The following CRTAP variants were observed in gnomAD, a reference collection of about 807,000 sequenced individuals.
CRTAP encodes cartilage-associated protein.
Under a neutral mutation model 42.7 loss-of-function variants are expected in CRTAP, and 33 were observed. The observed-to-expected ratio is 0.77, with a 90% confidence interval of 0.59 to 1.03. The LOEUF (loss-of-function observed/expected upper bound fraction) is 1.03, where lower values mean the gene tolerates loss of function less well. CRTAP is among the 50% of genes least tolerant of loss of function. The probability of loss-of-function intolerance (pLI) is 0.00; values close to 1 mark genes in which losing one functional copy is unlikely to be tolerated. For synonymous variants in CRTAP, 243 were observed against 217.7 expected (o/e 1.12, Z -1.02); for missense variants, 613 against 533.9 (o/e 1.15, Z -1.46).
chr3:33,138,226 T>G (rs1253477425), intron 6 of CRTAP, among the ~76,000 whole-genome samples: 1 of 152,222 alleles, frequency 6.6e-6, no homozygotes, highest in East Asian at 1.9e-4. Flanking sequence ...TTTGGCTATT[T>G]TGGGTCCTGT....
At chr3:33,130,218 C>A (rs1244632568) in intron 4 of CRTAP, 151 bp downstream of exon 4, 1 of 793,600 alleles carries the variant, frequency 1.3e-6, no homozygotes, top group Non-Finnish European at 2.1e-6. Context: ...GGCAGCATGG[C>A]TTAGTGATTC....
chr3:33,118,168 C>T (rs1344440015), intron 1 of CRTAP, among the ~76,000 whole-genome samples: 1 of 152,002 alleles, frequency 6.6e-6, no homozygotes, highest in African/African-American at 2.4e-5. Flanking sequence ...ATCATCTTGG[C>T]CAGGCTGATC....
At chr3:33,116,384 A>T (rs144782097) in intron 1 of CRTAP, among the ~76,000 whole-genome samples, 2 of 152,134 alleles carry the variant, frequency 1.3e-5, no homozygotes, top group Admixed American at 6.6e-5. Flanking sequence ...TTTGAGACAC[A>T]GTTTCACTTT....
At chr3:33,142,247 A>G (rs1575521167) in intron 6 of CRTAP, 148 bp from the exon 7 acceptor site, 2 of 719,470 alleles carry the variant, frequency 2.8e-6, no homozygotes, top group East Asian at 5.4e-5. Flanking sequence ...GGGAGAAATC[A>G]GGTCCTCTGG....
intron 1 of CRTAP, 104 bp downstream of exon 1, chr3:33,114,652 T>A: frequency 2.8e-6 from 3 of 1,076,330 alleles, no homozygotes; most frequent in Non-Finnish European, 4.1e-6. Flanking sequence ...CCTCCAGTTC[T>A]AGACCTGGCT....
At chr3:33,139,152 A>C (rs77523777) in intron 6 of CRTAP, among the ~76,000 whole-genome samples, 2,769 of 152,206 alleles carry the variant, frequency 0.018, 112 homozygotes, top group Admixed American at 0.1. Flanking sequence ...TAAAAAAAAA[A>C]ATTAGCTAAG....
chr3:33,134,279 C>T lies in CRTAP; in HGVS notation c.1152+14C>T, dbSNP rs753222021. On this transcript the variant is annotated intron_variant, in intron 6 of 6. Coordinates refer to ENST00000320954, the MANE Select transcript of CRTAP (RefSeq NM_006371.5). ...GATGATGATGAGGTAAGTTTTCATG[C>T]TTAGCACATGTCTGGTGGCTACGAG... 2.7e-6 allele frequency: 4 copies of T among 1,508,320 alleles called. No homozygotes were observed. In the South Asian group the frequency reaches 3.4e-5, roughly 13 times the overall value. The allele number at this position is 1,508,320 out of a possible 1,614,324, so 93.4% of individuals were successfully genotyped here. A position where few individuals can be genotyped will look rare whatever the true frequency, so the allele number is the denominator to read the frequency against.
chr3:33,146,362 C>G lies in CRTAP; in HGVS notation c.*3914C>G, dbSNP rs1481736018. On this transcript the variant is annotated 3_prime_UTR_variant, in exon 7 of 7. Coordinates refer to ENST00000320954, the MANE Select transcript of CRTAP (RefSeq NM_006371.5). ...ATCGTGGTGGGGCATCTGTCCAGCCCCATTGCCACTCAGGGCATCCAAACA... is the reference window on the plus strand; with the variant it reads ...ATCGTGGTGGGGCATCTGTCCAGCCGCATTGCCACTCAGGGCATCCAAACA... 2.0e-5 allele frequency: 3 copies of G among 152,182 alleles called. No homozygotes were observed. The highest frequency in any genetic ancestry group is 7.3e-5 in the African/African-American group (3 of 41,378). 9.4% of individuals were successfully genotyped at this position (152,182 alleles called of 1,614,324 possible). A position where few individuals can be genotyped will look rare whatever the true frequency, so the allele number is the denominator to read the frequency against.
At chr3:33,115,483 A>G (rs2125596609) in intron 1 of CRTAP, 1 of 152,056 alleles carries the variant, frequency 6.6e-6, no homozygotes, top group East Asian at 1.9e-4. Context: ...TCTCTATCCT[A>G]TGGGTTCTCA....
chr3:33,132,565 G>A lies in CRTAP; in HGVS notation c.933G>A (p.Leu311=). ...LQFAYYKLND[L]KNAAPCAVSY... ...TCTTCCCAACCCTAGTGAACGACCT[G>A]AAGAATGCAGCCCCCTGTGCAGTCA... Residue 311 remains leucine (L), a synonymous_variant, in exon 5 of 7, where the codon CTG becomes CTA. Coordinates refer to ENST00000320954, the MANE Select transcript of CRTAP (RefSeq NM_006371.5). The A allele has an allele frequency of 6.2e-7, 1 of 1,614,098 alleles. No homozygotes were observed. The highest frequency in any genetic ancestry group is 1.1e-5 in the South Asian group (1 of 91,086).
At position 33,142,433 on chromosome 3, in the gene CRTAP, G is replaced by A. The variant is rs2030602676; in HGVS notation, c.1191G>A (p.Leu397=). The A allele has an allele frequency of 3.7e-6, 6 of 1,614,042 alleles. No homozygotes were observed. The Admixed American group carries it at 8.3e-5, about 22-fold the overall frequency. Residue 397 remains leucine (L), a synonymous_variant, in exon 7 of 7, where the codon CTG becomes CTA. Transcript: ENST00000320954. ...AATATGTGGATGACCTCTTGGAACT[G>A]GAGGAGACCAGCTAGCCCACAGCAA... ...VVEYVDDLLE[L]EETS
At chr3:33,120,180 A>T (rs2029865483) in intron 1 of CRTAP, among the ~76,000 whole-genome samples, 164 bp from the exon 2 acceptor site, 1 of 152,188 alleles carries the variant, frequency 6.6e-6, no homozygotes, top group South Asian at 2.1e-4. Context: ...CACTTGTCTC[A>T]CAGTGCCTGG....
chr3:33,139,967 A>G (rs961545913), intron 6 of CRTAP, among the ~76,000 whole-genome samples: 1 of 152,156 alleles, frequency 6.6e-6, no homozygotes, highest in African/African-American at 2.4e-5. Flanking sequence ...TTTGCTTCCA[A>G]CTTTTTGCTT....
chr3:33,114,627 C>A, intron 1 of CRTAP, 79 bp downstream of exon 1: 1 of 1,392,862 alleles, frequency 7.2e-7, no homozygotes, highest in South Asian at 1.3e-5. Flanking sequence ...CCCCTGCGCC[C>A]GGGGCCGCGT....
In CRTAP at chr3:33,132,505, T is replaced by G. The variant is rs200393184; in HGVS notation, c.923-50T>G. 158 of 1,611,254 alleles carry G rather than the reference T, an allele frequency of 9.8e-5. No individual in the cohort carries two copies. In the African/African-American group the frequency reaches 1.8e-3, roughly 18 times the overall value. On this transcript the variant is annotated intron_variant, in intron 4 of 6. Transcript: ENST00000320954. ...TTTTTGTTTAGAAGCAGAGAAATTA[T>G]AGGGTGTGGTTTGCTGATTTCTTCA...
At chr3:33,115,907 T>C (rs776494248) in intron 1 of CRTAP, among the ~76,000 whole-genome samples, 25 of 151,812 alleles carry the variant, frequency 1.6e-4, no homozygotes, top group Non-Finnish European at 2.4e-4. Flanking sequence ...GTTTTGTGAA[T>C]GTTTGTTCTG....
intron 1 of CRTAP, among the ~76,000 whole-genome samples, chr3:33,119,789 C>T (rs918782803): frequency 2.6e-5 from 4 of 152,098 alleles, no homozygotes; most frequent in Admixed American, 6.5e-5. Context: ...AGTGTTCTGC[C>T]ACAGGGGTGA....
chr3:33,114,168 T>TACAGCTTCC lies in CRTAP; in HGVS notation c.92_100dup (p.Phe33_Arg34insHisSerPhe), dbSNP rs1701310003. On this transcript the variant is annotated inframe_insertion, in exon 1 of 7. Transcript: ENST00000320954. ...CGCCGGGCGCGCCCAATACGAACGC[T>TACAGCTTCC]ACAGCTTCCGCAGCTTCCCACGGGA... The TACAGCTTCC allele has an allele frequency of 2.5e-6, 4 of 1,590,606 alleles. No individual in the cohort carries two copies. The East Asian group carries it at 9.1e-5, about 36-fold the overall frequency.
rs746876557 is a variant in CRTAP at position 33,124,564 on chromosome 3, T to C, written c.778T>C (p.Tyr260His). 2 of 1,614,252 alleles carry C rather than the reference T, an allele frequency of 1.2e-6. No individual in the cohort carries two copies. The highest frequency in any genetic ancestry group is 1.7e-5 in the Admixed American group (1 of 60,036). Reference protein sequence around the residue: ...SREIKDFKDFYLSIADHYVEV... With the variant: ...SREIKDFKDFHLSIADHYVEV... ...GGAGATCAAGGACTTCAAGGATTTC[T>C]ACCTTTCCATAGCAGGTTGGTGGTA... Residue 260 changes from tyrosine to histidine, a missense_variant, in exon 3 of 7, where the codon TAC becomes CAC. By Grantham distance (83) the Tyr-to-His change is moderately conservative. Coordinates refer to ENST00000320954, the MANE Select transcript of CRTAP (RefSeq NM_006371.5).
Sources: gnomAD v4.1 joint callset for allele counts (sites outside exome capture counted in the v4.1 genomes callset) on GRCh38, gnomAD v4.1.1 for gene constraint, MANE v1.5 for transcripts, NCBI Gene and HGNC (gene_info 2026-07-23, HGNC 2026-07-21) for gene names.